Variants in PANX1 observed in about 807,000 individuals in gnomAD.
PANX1 encodes the protein pannexin-1.
Under a neutral mutation model 38.7 loss-of-function variants are expected in PANX1, and 30 were observed. The ratio of observed to expected loss-of-function variants is 0.78; its 90% CI spans 0.58 to 1.05. The LOEUF is 1.05. PANX1 is among the 50% of genes least tolerant of loss of function. PANX1 has a pLI of 0.00. For missense variants in PANX1, 551 were observed against 517.2 expected (o/e 1.07, Z -0.63); for synonymous variants, 230 against 212.2 (o/e 1.08, Z -0.73).
At chr11:94,164,727 T>G (rs1947083723) in intron 2 of PANX1, among the ~76,000 whole-genome samples, 1 of 152,220 alleles carries the variant, frequency 6.6e-6, no homozygotes, top group African/African-American at 2.4e-5. Flanking sequence ...GAGCCTGATA[T>G]TTCTTTATTT....
At chr11:94,132,935 G>A (rs1946647943) in intron 1 of PANX1, among the ~76,000 whole-genome samples, 1 of 152,200 alleles carries the variant, frequency 6.6e-6, no homozygotes, top group Non-Finnish European at 1.5e-5. Flanking sequence ...GGGGGTGGGA[G>A]TGTTGTAGGT....
At position 94,129,025 on chromosome 11, in the gene PANX1, C is replaced by G. The variant is rs544494063; in HGVS notation, c.-288C>G. 1.4e-4 allele frequency: 38 copies of G among 263,286 alleles called. No homozygotes were observed. In the East Asian group the frequency reaches 2.7e-3, roughly 18 times the overall value. 16.3% of individuals were successfully genotyped at this position (263,286 alleles called of 1,614,324 possible). A position where few individuals can be genotyped will look rare whatever the true frequency, so the allele number is the denominator to read the frequency against. On this transcript the variant is annotated 5_prime_UTR_variant, in exon 1 of 5. Coordinates refer to ENST00000227638, the MANE Select transcript of PANX1 (RefSeq NM_015368.4). ...GGGAGAGGCGCGAATCCGAGTGCCG[C>G]GCGCGGCCCGGGGACTTGCACGGGC... is the stretch of plus-strand genomic sequence containing the variant.
At chr11:94,133,839 G>C (rs577033791) in intron 1 of PANX1, among the ~76,000 whole-genome samples, 1 of 152,268 alleles carries the variant, frequency 6.6e-6, no homozygotes, top group Non-Finnish European at 1.5e-5. Flanking sequence ...TGCTCCATAG[G>C]AATTTAGTGA....
chr11:94,158,720 C>T (rs1946984904), intron 2 of PANX1, among the ~76,000 whole-genome samples: 2 of 152,166 alleles, frequency 1.3e-5, no homozygotes, highest in Admixed American at 1.3e-4. Flanking sequence ...TTCCTCTTTT[C>T]CTGATTGAAT....
intron 2 of PANX1, among the ~76,000 whole-genome samples, chr11:94,164,391 A>G (rs995495557): frequency 1.3e-5 from 2 of 152,054 alleles, no homozygotes; most frequent in East Asian, 1.9e-4. Flanking sequence ...AGGTTTTGGT[A>G]TGTTGTGTTC....
intron 2 of PANX1, among the ~76,000 whole-genome samples, chr11:94,171,130 T>G (rs946627715): frequency 6.6e-6 from 1 of 151,596 alleles, no homozygotes; most frequent in Admixed American, 6.6e-5. Flanking sequence ...CACCCCAAGG[T>G]GACTTCTGTG....
In PANX1 at chr11:94,153,650, A is replaced by G. The variant is rs1946912078; in HGVS notation, c.321+20A>G. The G allele has an allele frequency of 1.9e-6, 3 of 1,609,470 alleles. No individual in the cohort carries two copies. The highest frequency in any genetic ancestry group is 2.7e-5 in the African/African-American group (2 of 74,920). ...CATAAGGTAAAGGGAGACATTTCCA[A>G]ATAGAACCTGTTTGCTTTATAGATA... On this transcript the variant is annotated intron_variant, in intron 2 of 4. Transcript: ENST00000227638.
At chr11:94,136,292 T>C (rs1946688773) in intron 1 of PANX1, among the ~76,000 whole-genome samples, 1 of 152,202 alleles carries the variant, frequency 6.6e-6, no homozygotes, top group Admixed American at 6.5e-5. Flanking sequence ...GATGTGCTCT[T>C]GGTTTTAAGA....
chr11:94,134,569 T>G (rs1946664998), intron 1 of PANX1, among the ~76,000 whole-genome samples: 1 of 152,100 alleles, frequency 6.6e-6, no homozygotes, highest in East Asian at 1.9e-4. Flanking sequence ...TAGGTTTGGA[T>G]GAGATTATGA....
At chr11:94,143,745 A>C (rs1207103525) in intron 1 of PANX1, among the ~76,000 whole-genome samples, 1 of 150,186 alleles carries the variant, frequency 6.7e-6, no homozygotes, top group African/African-American at 2.5e-5. Flanking sequence ...CCTCCTCCAT[A>C]TCTTTTTTTT....
At chr11:94,175,520 C>G (rs374642765) in intron 2 of PANX1, among the ~76,000 whole-genome samples, 1 of 151,624 alleles carries the variant, frequency 6.6e-6, no homozygotes, top group South Asian at 2.1e-4. Context: ...GGGAACAGTT[C>G]GAAGTGAAAT....
chr11:94,129,137 C>T lies in PANX1; in HGVS notation c.-176C>T, dbSNP rs1022000711. The T allele has an allele frequency of 3.9e-6, 2 of 509,972 alleles. No individual in the cohort carries two copies. The highest frequency in any genetic ancestry group is 6.8e-6 in the Non-Finnish European group (2 of 293,922). 31.6% of individuals were successfully genotyped at this position (509,972 alleles called of 1,614,324 possible). A position where few individuals can be genotyped will look rare whatever the true frequency, so the allele number is the denominator to read the frequency against. On this transcript the variant is annotated 5_prime_UTR_variant, in exon 1 of 5. Coordinates refer to ENST00000227638, the MANE Select transcript of PANX1 (RefSeq NM_015368.4). ...CGGCGGAGGCAGCGAGCGCGAGAGC[C>T]CAGCGGAGTCGCTGGGAGCCTGAGG...
intron 1 of PANX1, among the ~76,000 whole-genome samples, chr11:94,136,780 A>G (rs1284443350): frequency 6.6e-6 from 1 of 152,020 alleles, no homozygotes; most frequent in African/African-American, 2.4e-5. Context: ...AAAAAAAGAA[A>G]AAAACTTGAT....
chr11:94,129,443 GGCTGCCCCT>G lies in PANX1; in HGVS notation c.137_145del (p.Pro46_Leu48del). ...AAGATGGTCACGTGCATTGCGGTGG[GGCTGCCCCT>G]GCTGCTCATCTCGCTGGCCTTCGCG... On this transcript the variant is annotated inframe_deletion, in exon 1 of 5. Transcript: ENST00000227638. The G allele has an allele frequency of 6.2e-7, 1 of 1,613,750 alleles. No individual in the cohort carries two copies. Among genetic ancestry groups the G allele is most frequent in the Non-Finnish European group, 8.5e-7 (1 of 1,179,774 alleles).
At chr11:94,179,157 G>T in intron 3 of PANX1, among the ~76,000 whole-genome samples, 1 of 152,100 alleles carries the variant, frequency 6.6e-6, no homozygotes, top group East Asian at 1.9e-4. Context: ...CATTACTAGT[G>T]CATTTGTTAA....
rs1947281688 is a variant in PANX1, at chr11:94,179,777, T to C, written c.721T>C (p.Ser241Pro). The C allele has an allele frequency of 1.9e-6, 3 of 1,614,154 alleles. No homozygotes were observed. Among genetic ancestry groups the C allele is most frequent in the Non-Finnish European group, 2.5e-6 (3 of 1,180,010 alleles). ...CTATTACTTCAGCCTCTCCTCACTCTCAGACGAGTTTGTGTGCAGCATCAA... is the reference window on the plus strand; with the variant it reads ...CTATTACTTCAGCCTCTCCTCACTCCCAGACGAGTTTGTGTGCAGCATCAA... The part of the protein sequence containing the change: ...LGYYFSLSSL[S>P]DEFVCSIKSG... Residue 241 changes from serine (S) to proline (P), a missense_variant, in exon 4 of 5, where the codon TCA becomes CCA. Physicochemically the swap from Ser to Pro is moderately conservative, Grantham distance 74. Coordinates refer to ENST00000227638, the MANE Select transcript of PANX1 (RefSeq NM_015368.4).
chr11:94,148,564 C>T (rs1946851257), intron 1 of PANX1, among the ~76,000 whole-genome samples: 2 of 151,948 alleles, frequency 1.3e-5, no homozygotes, highest in Admixed American at 1.3e-4. Flanking sequence ...ATTGTTCTCA[C>T]TGAGAATTTA....
chr11:94,158,664 T>A (rs1456775344), intron 2 of PANX1, among the ~76,000 whole-genome samples: 2 of 152,230 alleles, frequency 1.3e-5, no homozygotes, highest in Non-Finnish European at 2.9e-5. Flanking sequence ...ACAATGGGGT[T>A]TTCTAAATAT....
chr11:94,181,667 C>T lies in PANX1; in HGVS notation c.*798C>T, dbSNP rs1947307419. 1 of 152,154 alleles carries T rather than the reference C, an allele frequency of 6.6e-6. No individual in the cohort carries two copies. The highest frequency in any genetic ancestry group is 2.4e-5 in the African/African-American group (1 of 41,434). The allele number at this position is 152,154 out of a possible 1,614,324, so 9.4% of individuals were successfully genotyped here. On this transcript the variant is annotated 3_prime_UTR_variant, in exon 5 of 5. Transcript: ENST00000227638. ...CACTTTCAAAGAGTTTGTCTACAGGCGGTTTCTCTGTTATCAAAGGCATTT... is the reference window on the plus strand; with the variant it reads ...CACTTTCAAAGAGTTTGTCTACAGGTGGTTTCTCTGTTATCAAAGGCATTT...
Sources: gnomAD v4.1 joint callset for allele counts (sites outside exome capture counted in the v4.1 genomes callset) on GRCh38, gnomAD v4.1.1 for gene constraint, MANE v1.5 for transcripts, NCBI Gene and HGNC (gene_info 2026-07-23, HGNC 2026-07-21) for gene names.